AFG2A: variants seen among roughly 807,000 people sequenced by gnomAD.
The protein encoded by AFG2A is ATPase family gene 2 protein homolog A.
the AFG2A span, among the ~76,000 whole-genome samples, chr4:122,999,034 G>A: frequency 1.2e-4 from 18 of 151,710 alleles, no homozygotes; most frequent in East Asian, 3.5e-3. Flanking sequence ...TCTCATTGTG[G>A]TTTTGATTTG....
chr4:122,928,261 A>G, the AFG2A span, among the ~76,000 whole-genome samples: 22 of 152,022 alleles, frequency 1.4e-4, no homozygotes, highest in African/African-American at 5.1e-4. Context: ...ATATTTTACT[A>G]TTCTCCCTTG....
At chr4:123,077,045 TG>T in the AFG2A span, among the ~76,000 whole-genome samples, 124 of 70,734 alleles carry the variant, frequency 1.8e-3, no homozygotes, top group African/African-American at 4.5e-3. Context: ...TTCCTGTTGT[TG>T]TTTTTTTTTT....
chr4:123,177,743 G>A, the AFG2A span, among the ~76,000 whole-genome samples: 1 of 152,120 alleles, frequency 6.6e-6, no homozygotes, highest in Non-Finnish European at 1.5e-5. Flanking sequence ...TGAATATGTA[G>A]GTCTCTGTCT....
the AFG2A span, among the ~76,000 whole-genome samples, chr4:123,022,441 T>C: frequency 3.3e-5 from 5 of 151,616 alleles, no homozygotes; most frequent in Admixed American, 2.6e-4. Context: ...AAAATGGTCA[T>C]CATCACTGGC....
the AFG2A span, among the ~76,000 whole-genome samples, chr4:123,309,060 T>C: frequency 3.3e-5 from 5 of 152,284 alleles, no homozygotes; most frequent in South Asian, 1.0e-3. Flanking sequence ...GCTATGCTAA[T>C]AAGCAAGAGC....
chr4:123,263,654 A>C, the AFG2A span, among the ~76,000 whole-genome samples: 2 of 152,208 alleles, frequency 1.3e-5, no homozygotes, highest in African/African-American at 4.8e-5. Context: ...TCAAAACCAC[A>C]GTGCAATACC....
At chr4:123,181,351 C>G in the AFG2A span, among the ~76,000 whole-genome samples, 1 of 152,002 alleles carries the variant, frequency 6.6e-6, no homozygotes, top group African/African-American at 2.4e-5. Context: ...GTGATTCACA[C>G]ATGGTAGTTC....
the AFG2A span, among the ~76,000 whole-genome samples, chr4:123,312,658 T>C: frequency 6.6e-6 from 1 of 152,228 alleles, no homozygotes; most frequent in East Asian, 1.9e-4. Flanking sequence ...TGAAGTTTTG[T>C]TTTTTCCTTC....
At chr4:122,968,778 A>G in the AFG2A span, among the ~76,000 whole-genome samples, 2 of 151,630 alleles carry the variant, frequency 1.3e-5, no homozygotes, top group African/African-American at 4.8e-5. Flanking sequence ...TTACCTTTCT[A>G]CCTGTTGTGC....
chr4:123,153,641 A>G, the AFG2A span, among the ~76,000 whole-genome samples: 7 of 149,748 alleles, frequency 4.7e-5, no homozygotes, highest in Middle Eastern at 3.4e-3. Context: ...ACTTGTAATA[A>G]CATGAACATA....
the AFG2A span, among the ~76,000 whole-genome samples, chr4:123,144,448 G>C: frequency 6.6e-6 from 1 of 152,056 alleles, no homozygotes; most frequent in Non-Finnish European, 1.5e-5. Flanking sequence ...TCTGAGCTCA[G>C]ATTATAGTTT....
chr4:122,930,959 AGCAG>A, the AFG2A span, among the ~76,000 whole-genome samples: 108,172 of 151,986 alleles, frequency 0.71, 43,198 homozygotes, highest in East Asian at 0.95. Flanking sequence ...TAAATGTGGC[AGCAG>A]AGTATAGACA....
At chr4:123,023,618 A>C in the AFG2A span, among the ~76,000 whole-genome samples, 4 of 152,114 alleles carry the variant, frequency 2.6e-5, no homozygotes, top group Non-Finnish European at 5.9e-5. Flanking sequence ...TTTTCCACAC[A>C]GGCCTTGATA....
the AFG2A span, among the ~76,000 whole-genome samples, chr4:123,014,108 T>A: frequency 6.6e-6 from 1 of 152,196 alleles, no homozygotes; most frequent in Non-Finnish European, 1.5e-5. Flanking sequence ...ATCCCCTCTG[T>A]CTTCCCTCTG....
At chr4:122,960,590 A>G in the AFG2A span, among the ~76,000 whole-genome samples, 1 of 152,212 alleles carries the variant, frequency 6.6e-6, no homozygotes, top group East Asian at 1.9e-4. Context: ...TCATTTCAAC[A>G]TGTTCTTACC....
chr4:123,123,519 TGAA>T, the AFG2A span, among the ~76,000 whole-genome samples: 1 of 152,132 alleles, frequency 6.6e-6, no homozygotes, highest in African/African-American at 2.4e-5. Flanking sequence ...TGTGTAGTCA[TGAA>T]GAAGAACAGG....
the AFG2A span, among the ~76,000 whole-genome samples, chr4:123,149,020 C>T: frequency 3.3e-5 from 5 of 152,208 alleles, no homozygotes; most frequent in East Asian, 3.9e-4. Context: ...CCGCCTGCCT[C>T]GGCCTCCCAA....
At chr4:123,310,300 GA>G in the AFG2A span, among the ~76,000 whole-genome samples, 1 of 152,184 alleles carries the variant, frequency 6.6e-6, no homozygotes. Flanking sequence ...ACATGACTTT[GA>G]AAACACTATC....
the AFG2A span, among the ~76,000 whole-genome samples, chr4:123,049,789 T>G: frequency 6.6e-6 from 1 of 152,040 alleles, no homozygotes; most frequent in East Asian, 1.9e-4. Flanking sequence ...TTTGTTGATC[T>G]TTTATTTTTT....
Sources: gnomAD v4.1 joint callset for allele counts (sites outside exome capture counted in the v4.1 genomes callset) on GRCh38, gnomAD v4.1.1 for gene constraint, MANE v1.5 for transcripts, NCBI Gene and HGNC (gene_info 2026-07-23, HGNC 2026-07-21) for gene names.